The following NR3C2 variants were observed in gnomAD, a reference collection of about 807,000 sequenced individuals.
NR3C2 encodes mineralocorticoid receptor.
A neutral mutation model predicts 86.4 loss-of-function variants in NR3C2; 15 were observed. That is an observed-to-expected ratio of 0.17 (90% CI 0.12 to 0.27). The LOEUF is 0.27. Ranked by LOEUF, NR3C2 falls within the 10% of genes least tolerant of loss-of-function variation. NR3C2 has a pLI of 1.00. For missense variants in NR3C2, 960 were observed against 1,195.6 expected, an observed-to-expected ratio of 0.80 and a Z score of 2.91; for synonymous variants, 458 against 450.5, an observed-to-expected ratio of 1.02 and a Z score of -0.21.
chr4:148,275,228 G>A lies in NR3C2; in HGVS notation c.1758-15111C>T, dbSNP rs371196120. 1.7e-3 allele frequency among the ~76,000 whole-genome samples: 265 copies of A among 152,278 alleles called. 1 individual carries two copies. The highest frequency in any genetic ancestry group is 6.0e-3 in the African/African-American group (249 of 41,564). ...GTCAGTTGATGACTTTTTCTAATAA[G>A]TGTAAGGAATTAAATGTAGGAAATA... On this transcript the variant is annotated intron_variant, in intron 2 of 8. Transcript: ENST00000358102.
At chr4:148,239,047 C>A (rs1738884529) in intron 3 of NR3C2, among the ~76,000 whole-genome samples, 1 of 152,160 alleles carries the variant, frequency 6.6e-6, no homozygotes, top group Non-Finnish European at 1.5e-5. Flanking sequence ...AAACCAAGTA[C>A]AGCTGAAGAA....
intron 2 of NR3C2, among the ~76,000 whole-genome samples, chr4:148,301,627 G>A (rs1278671073): frequency 6.6e-6 from 1 of 152,210 alleles, no homozygotes; most frequent in African/African-American, 2.4e-5. Context: ...TTGTTAAAGT[G>A]TTATAAAAGG....
At chr4:148,443,326 T>G (rs1426696024), upstream of NR3C2, among the ~76,000 whole-genome samples, 2 of 149,558 alleles carry the variant, frequency 1.3e-5, no homozygotes, top group African/African-American at 4.9e-5. Flanking sequence ...TATAATTTTG[T>G]CACTGTACTT....
intron 4 of NR3C2, among the ~76,000 whole-genome samples, chr4:148,186,762 C>G (rs898972428): frequency 1.3e-5 from 2 of 149,268 alleles, no homozygotes; most frequent in African/African-American, 4.9e-5. Context: ...TCCCTTACCC[C>G]CCTCCCACTC....
chr4:148,343,775 G>GA (rs1203698671), intron 2 of NR3C2, among the ~76,000 whole-genome samples: 4 of 151,912 alleles, frequency 2.6e-5, no homozygotes, highest in South Asian at 2.1e-4. Context: ...ACACACACTC[G>GA]AAAAAAATTG....
At chr4:148,167,148 C>T (rs534128402) in intron 4 of NR3C2, among the ~76,000 whole-genome samples, 1 of 152,138 alleles carries the variant, frequency 6.6e-6, no homozygotes, top group Admixed American at 6.5e-5. Context: ...GGATCTTCAA[C>T]AAATGATTTC....
At chr4:148,115,133 T>C (rs903944230) in intron 7 of NR3C2, among the ~76,000 whole-genome samples, 2 of 152,228 alleles carry the variant, frequency 1.3e-5, no homozygotes, top group Admixed American at 6.5e-5. Context: ...TTTGATAAGG[T>C]AGAAAACTAA....
intron 2 of NR3C2, among the ~76,000 whole-genome samples, chr4:148,346,637 T>G (rs892928337): frequency 2.6e-5 from 4 of 152,058 alleles, no homozygotes; most frequent in Non-Finnish European, 5.9e-5. Context: ...CAAAGTGAAA[T>G]GTACTATAAA....
intron 8 of NR3C2, among the ~76,000 whole-genome samples, chr4:148,096,287 AT>A (rs1731272947): frequency 6.6e-6 from 1 of 152,220 alleles, no homozygotes; most frequent in Non-Finnish European, 1.5e-5. Flanking sequence ...ATGTTACTGT[AT>A]ATAGAAGTAT....
intron 2 of NR3C2, among the ~76,000 whole-genome samples, chr4:148,383,229 A>AT: frequency 6.6e-6 from 1 of 152,138 alleles, no homozygotes; most frequent in Non-Finnish European, 1.5e-5. Flanking sequence ...ATTTTGAATG[A>AT]TTTTTTAGAA....
chr4:148,298,229 T>C (rs1443021500), intron 2 of NR3C2, among the ~76,000 whole-genome samples: 1 of 152,224 alleles, frequency 6.6e-6, no homozygotes, highest in Admixed American at 6.5e-5. Context: ...GCAATAAGAA[T>C]GACTTTATAG....
intron 8 of NR3C2, among the ~76,000 whole-genome samples, chr4:148,110,555 A>C (rs1203703573): frequency 3.3e-5 from 5 of 152,254 alleles, no homozygotes; most frequent in Non-Finnish European, 4.4e-5. Flanking sequence ...AGCTGTAGGC[A>C]GTCTCAAGTC....
At chr4:148,304,207 G>A (rs1742488113) in intron 2 of NR3C2, among the ~76,000 whole-genome samples, 1 of 152,024 alleles carries the variant, frequency 6.6e-6, no homozygotes, top group African/African-American at 2.4e-5. Flanking sequence ...CCCCTCGGAT[G>A]CATCCTCCAA....
chr4:148,114,980 A>G (rs751884897), intron 7 of NR3C2, among the ~76,000 whole-genome samples: 4 of 152,160 alleles, frequency 2.6e-5, no homozygotes, highest in Non-Finnish European at 5.9e-5. Context: ...ACATCAAAAT[A>G]TATTTTCCTA....
At chr4:148,257,304 C>T (rs1405575018) in intron 3 of NR3C2, among the ~76,000 whole-genome samples, 1 of 152,172 alleles carries the variant, frequency 6.6e-6, no homozygotes, top group Non-Finnish European at 1.5e-5. Context: ...CAGACTAAGA[C>T]TACTAAACTG....
chr4:148,093,747 TGATTATATA>T (rs1731158430), intron 8 of NR3C2, among the ~76,000 whole-genome samples: 1 of 152,012 alleles, frequency 6.6e-6, no homozygotes, highest in African/African-American at 2.4e-5. Flanking sequence ...TGACCTGCAG[TGATTATATA>T]AGAAGTTTGG....
In NR3C2 at chr4:148,383,764, A is replaced by G. The variant is rs546293601; in HGVS notation, c.1757+51340T>C. 6.6e-5 allele frequency among the ~76,000 whole-genome samples: 10 copies of G among 152,222 alleles called. No homozygotes were observed. The South Asian group carries it at 1.9e-3, about 28-fold the overall frequency. On this transcript the variant is annotated intron_variant, in intron 2 of 8. Transcript: ENST00000358102. Reference sequence around the variant, plus strand: ...GGAGTTCAGGACCAGCCTGGTCAACATGGTGAAACCCCGTCTCTACTAAAA... The same window carrying G: ...GGAGTTCAGGACCAGCCTGGTCAACGTGGTGAAACCCCGTCTCTACTAAAA...
At chr4:148,283,913 C>A (rs1741381546) in intron 2 of NR3C2, among the ~76,000 whole-genome samples, 1 of 152,178 alleles carries the variant, frequency 6.6e-6, no homozygotes, top group African/African-American at 2.4e-5. Flanking sequence ...ACAACTGAGA[C>A]TGCGAGTGAT....
chr4:148,228,512 T>C (rs1437495726), intron 3 of NR3C2, among the ~76,000 whole-genome samples: 1 of 152,216 alleles, frequency 6.6e-6, no homozygotes, highest in Non-Finnish European at 1.5e-5. Context: ...TTGGGTAGTC[T>C]TTCTTCTTTT....
Sources: gnomAD v4.1 joint callset for allele counts (sites outside exome capture counted in the v4.1 genomes callset) on GRCh38, gnomAD v4.1.1 for gene constraint, MANE v1.5 for transcripts, NCBI Gene and HGNC (gene_info 2026-07-23, HGNC 2026-07-21) for gene names.